TAPBPL: variants seen among roughly 807,000 people sequenced by gnomAD.
TAPBPL encodes TAP binding protein like, also known as tapasin-related protein.
TAPBPL carries 32 observed loss-of-function variants against 44.8 expected under a neutral mutation model. The observed-to-expected ratio is 0.71, with a 90% CI of 0.54 to 0.96. The LOEUF is 0.96. TAPBPL is among the 40% of genes least tolerant of loss of function. The pLI is 0.00. For synonymous variants in TAPBPL, 230 were observed against 240.7 expected (o/e 0.96, Z 0.41); for missense variants, 520 against 586.6 (o/e 0.89, Z 1.17).
intron 5 of TAPBPL, 118 bp from the exon 6 acceptor site, chr12:6,460,737 C>G: frequency 1.1e-6 from 1 of 924,306 alleles, no homozygotes; most frequent in Non-Finnish European, 1.7e-6. Context: ...GGCTCCTCAA[C>G]CAGGGACTCA....
downstream of TAPBPL, chr12:6,462,688 C>T (rs1467232138): frequency 2.2e-5 from 20 of 889,554 alleles, no homozygotes; most frequent in Non-Finnish European, 3.1e-5. Context: ...AGGACGGATT[C>T]GCTCCAGGCT....
downstream of TAPBPL, chr12:6,470,555 T>G (rs750413737): frequency 3.7e-6 from 6 of 1,613,648 alleles, no homozygotes; most frequent in Non-Finnish European, 5.1e-6. Flanking sequence ...AGAGTGAGGG[T>G]CTGTTCCTCT....
chr12:6,452,297 G>C lies in TAPBPL; in HGVS notation c.49G>C (p.Gly17Arg). The C allele has an allele frequency of 6.3e-7, 1 of 1,575,432 alleles. No individual in the cohort carries two copies. The highest frequency in any genetic ancestry group is 8.6e-7 in the Non-Finnish European group (1 of 1,161,082). Reference protein sequence around the residue: ...WCLLLCLALSGAAETKPHPAE... With the variant: ...WCLLLCLALSRAAETKPHPAE... The stretch of plus-strand genomic sequence containing the variant: ...CCTGCTGCTCTGCCTGGCTCTATCT[G>C]GAGCAGCAGAAACCAGTGAGTCTGG... The change falls in exon 1 of 7, where the codon GGA becomes CGA. Residue 17 changes from glycine to arginine, a missense_variant. Gly to Arg is a moderately radical substitution (Grantham distance 125). Coordinates refer to ENST00000266556, the MANE Select transcript of TAPBPL (RefSeq NM_018009.5).
rs780217282 is a variant in TAPBPL, at chr12:6,453,623, G to A, written c.472G>A (p.Val158Met). The change falls in exon 3 of 7, where the codon GTG becomes ATG. Residue 158 changes from valine (V) to methionine (M), a missense_variant. Coordinates refer to ENST00000266556, the MANE Select transcript of TAPBPL (RefSeq NM_018009.5). The surrounding 1 kb of genome is among the most constrained non-coding windows in gnomAD (Gnocchi z 4.8). ...VSGGGPSISLVMKTPRVTKNE... is the reference protein window; with the variant it reads ...VSGGGPSISLMMKTPRVTKNE... ...TGGAGGGGGACCTAGCATCTCCTTG[G>A]TGATGAAGACTCCCAGGGTCACCAA... 49 of 1,613,998 alleles carry A rather than the reference G, an allele frequency of 3.0e-5. No individual in the cohort carries two copies. The highest frequency in any genetic ancestry group is 4.0e-5 in the African/African-American group (3 of 74,914).
Position 6,453,384 on chromosome 12 carries a change from C to T in TAPBPL, c.296-63C>T, listed in dbSNP as rs1949615382. The T allele has an allele frequency of 2.5e-6, 4 of 1,608,276 alleles. No homozygotes were observed. The highest frequency in any genetic ancestry group is 3.4e-6 in the Non-Finnish European group (4 of 1,176,506). On this transcript the variant is annotated intron_variant, in intron 2 of 6. Transcript: ENST00000266556. This position sits in a 1 kb window ranked among gnomAD's most constrained non-coding sequence, Gnocchi z 4.8. The stretch of plus-strand genomic sequence containing the variant: ...TCCCGATTACAGCCACACATACTGC[C>T]TCCCGTTGGCCCTGGTGTTCTCACG...
At chr12:6,464,895 A>G (rs776075796), downstream of TAPBPL, 99 of 1,613,938 alleles carry the variant, frequency 6.1e-5, no homozygotes, top group Non-Finnish European at 6.8e-5. Flanking sequence ...CTTACTTACA[A>G]TAACTACCAC....
At position 6,452,298 on chromosome 12, in the gene TAPBPL, G is replaced by A. The variant is rs2136973892; in HGVS notation, c.50G>A (p.Gly17Glu). 2 of 1,575,320 alleles carry A rather than the reference G, an allele frequency of 1.3e-6. No individual in the cohort carries two copies. The highest frequency in any genetic ancestry group is 1.2e-5 in the South Asian group (1 of 85,690). Residue 17 changes from glycine (G) to glutamate (E), a missense_variant, in exon 1 of 7, where the codon GGA becomes GAA. Transcript: ENST00000266556. ...CTGCTGCTCTGCCTGGCTCTATCTGGAGCAGCAGAAACCAGTGAGTCTGGG... is the reference window on the plus strand; with the variant it reads ...CTGCTGCTCTGCCTGGCTCTATCTGAAGCAGCAGAAACCAGTGAGTCTGGG... ...WCLLLCLALS[G>E]AAETKPHPAE...
chr12:6,452,476 T>G, intron 1 of TAPBPL, 164 bp downstream of exon 1: 1 of 1,440,872 alleles, frequency 6.9e-7, no homozygotes, highest in Non-Finnish European at 9.1e-7. Flanking sequence ...AAGGAACCAA[T>G]AGTGTGTGTG....
chr12:6,453,792 T>C lies in TAPBPL; in HGVS notation c.565+76T>C. The C allele has an allele frequency of 2.7e-6, 4 of 1,457,990 alleles. No homozygotes were observed. The highest frequency in any genetic ancestry group is 2.8e-5 in the South Asian group (2 of 70,826). 90.3% of individuals were successfully genotyped at this position (1,457,990 alleles called of 1,614,324 possible). Reference sequence around the variant, plus strand: ...CAGAATTTTGGGATACCGAGGTCGGTGGATCACCTGAGGTCAGGAGTTTGA... The same window carrying C: ...CAGAATTTTGGGATACCGAGGTCGGCGGATCACCTGAGGTCAGGAGTTTGA... On this transcript the variant is annotated intron_variant, in intron 3 of 6. Coordinates refer to ENST00000266556, the MANE Select transcript of TAPBPL (RefSeq NM_018009.5). The surrounding 1 kb of genome is among the most constrained non-coding windows in gnomAD (Gnocchi z 4.8).
intron 1 of TAPBPL, chr12:6,452,693 C>A: frequency 2.0e-6 from 2 of 980,304 alleles, no homozygotes; most frequent in Non-Finnish European, 2.7e-6. Flanking sequence ...GAAAGCAGTG[C>A]AGGCTGTCAG....
chr12:6,461,047 C>T, intron 6 of TAPBPL, 109 bp downstream of exon 6: 1 of 1,545,210 alleles, frequency 6.5e-7, no homozygotes, highest in Non-Finnish European at 8.7e-7. Flanking sequence ...TCCAGCCACC[C>T]ACCCATCACA....
At chr12:6,465,404 G>GTA (rs1294654336), downstream of TAPBPL, 3 of 61,388 alleles carry the variant, frequency 4.9e-5, no homozygotes, top group Admixed American at 1.8e-4. Context: ...ATATATAAAT[G>GTA]TATATATATG....
downstream of TAPBPL, among the ~76,000 whole-genome samples, chr12:6,469,679 G>C (rs573265216): frequency 5.3e-5 from 8 of 152,280 alleles, no homozygotes; most frequent in African/African-American, 1.9e-4. Context: ...CCAGGCCAGG[G>C]TAGTAATCAG....
Position 6,462,129 on chromosome 12 carries a change from C to T in TAPBPL, c.1387C>T (p.Arg463Cys), listed in dbSNP as rs1261643138. 1.9e-6 allele frequency: 3 copies of T among 1,595,858 alleles called. No homozygotes were observed. The highest frequency in any genetic ancestry group is 2.6e-6 in the Non-Finnish European group (3 of 1,169,522). The change falls in exon 7 of 7, where the codon CGT becomes TGT. Residue 463 changes from arginine to cysteine, a missense_variant. Transcript: ENST00000266556. ...CCATCTCCATGAAGACCGCACAGCG[C>T]GTGTAAGCCAGCCCAGCTGACCTAA... ...SSHLHEDRTA[R>C]VSQPS
chr12:6,461,306 C>T (rs1457732250), intron 6 of TAPBPL: 3 of 1,082,536 alleles, frequency 2.8e-6, no homozygotes, highest in African/African-American at 3.3e-5. Context: ...ACCCTGGGCT[C>T]ATGCACCAAG....
At chr12:6,465,366 A>ATACATG (rs1949979795), downstream of TAPBPL, 1 of 142,832 alleles carries the variant, frequency 7.0e-6, no homozygotes, top group East Asian at 2.6e-4. Context: ...AAGTATATAT[A>ATACATG]TATATAAATG....
chr12:6,453,383 C>T lies in TAPBPL; in HGVS notation c.296-64C>T, dbSNP rs1949615307. The T allele has an allele frequency of 1.2e-6, 2 of 1,607,818 alleles. No individual in the cohort carries two copies. The highest frequency in any genetic ancestry group is 1.7e-6 in the Non-Finnish European group (2 of 1,176,326). On this transcript the variant is annotated intron_variant, in intron 2 of 6. Coordinates refer to ENST00000266556, the MANE Select transcript of TAPBPL (RefSeq NM_018009.5). This position sits in a 1 kb window ranked among gnomAD's most constrained non-coding sequence, Gnocchi z 4.8. ...GTCCCGATTACAGCCACACATACTG[C>T]CTCCCGTTGGCCCTGGTGTTCTCAC...
chr12:6,467,507 A>T (rs1945658115), downstream of TAPBPL, among the ~76,000 whole-genome samples: 1 of 152,204 alleles, frequency 6.6e-6, no homozygotes, highest in Admixed American at 6.5e-5. Context: ...AATTTGTGGA[A>T]CTTTGAACTT....
At chr12:6,464,425 A>G, downstream of TAPBPL, 1 of 1,563,388 alleles carries the variant, frequency 6.4e-7, no homozygotes, top group Non-Finnish European at 8.7e-7. Flanking sequence ...GGCAGAGGAC[A>G]TGAATGTGGA....
Sources: allele counts gnomAD v4.1 joint callset (sites outside exome capture counted in the v4.1 genomes callset), GRCh38; gene constraint gnomAD v4.1.1; non-coding constraint Gnocchi (gnomAD v3.1); transcripts MANE v1.5; gene names NCBI Gene and HGNC (gene_info 2026-07-23, HGNC 2026-07-21).